Variants in PARD3 observed in about 807,000 individuals in gnomAD.
PARD3 encodes the protein partitioning defective 3 homolog.
PARD3 carries 75 observed loss-of-function variants against 155.4 expected under a neutral mutation model. That is an observed-to-expected ratio of 0.48 (90% confidence interval 0.40 to 0.58). The LOEUF (loss-of-function observed/expected upper bound fraction) is 0.58. Among genes scored for constraint, PARD3 ranks in the 20% least tolerant of loss-of-function variants. The probability of loss-of-function intolerance (pLI) is 0.00; values close to 1 mark genes in which losing one functional copy is unlikely to be tolerated. For synonymous variants in PARD3, 576 were observed against 610.5 expected (o/e 0.94, Z 0.83); for missense variants, 1,642 against 1,721.7 (o/e 0.95, Z 0.82).
At chr10:34,344,569 A>C (rs1212012389) in intron 15 of PARD3, 2 of 983,834 alleles carry the variant, frequency 2.0e-6, no homozygotes, top group Non-Finnish European at 2.4e-6. Flanking sequence ...GGCATAAGCC[A>C]CTGTGCCCAG....
At chr10:34,590,942 G>T (rs539662786) in intron 2 of PARD3, among the ~76,000 whole-genome samples, 3 of 152,156 alleles carry the variant, frequency 2.0e-5, no homozygotes, top group African/African-American at 7.2e-5. Flanking sequence ...TAACTCCCCC[G>T]CCTTTCCTTC....
At chr10:34,756,455 TGCACCTTTTTTTTTTTTCTTATA>T (rs1836746184) in intron 1 of PARD3, among the ~76,000 whole-genome samples, 1 of 119,750 alleles carries the variant, frequency 8.4e-6, no homozygotes, top group Non-Finnish European at 1.7e-5. Context: ...GCCCAGCCAA[TGCACCTTTTTTTTTTTTCTTATA>T]AAAAAAAAAA....
At chr10:34,667,074 A>T (rs2093504371) in intron 2 of PARD3, among the ~76,000 whole-genome samples, 3 of 152,082 alleles carry the variant, frequency 2.0e-5, no homozygotes, top group Non-Finnish European at 1.5e-5. Flanking sequence ...AGGCTGAGAC[A>T]GGAGAATCGC....
intron 2 of PARD3, among the ~76,000 whole-genome samples, chr10:34,557,672 G>GTC (rs2085113635): frequency 6.6e-6 from 1 of 151,940 alleles, no homozygotes; most frequent in Non-Finnish European, 1.5e-5. Context: ...TGCCCAGGCT[G>GTC]GTCTCAAACT....
intron 22 of PARD3, among the ~76,000 whole-genome samples, chr10:34,216,550 C>A (rs548049431): frequency 6.6e-6 from 1 of 152,246 alleles, no homozygotes; most frequent in Non-Finnish European, 1.5e-5. Context: ...TGCACTGAAC[C>A]CAGATCAATA....
In PARD3 at chr10:34,269,621, T is replaced by C. The variant is rs200259249; in HGVS notation, c.3419+36A>G. On this transcript the variant is annotated intron_variant, in intron 22 of 24. Transcript: ENST00000374788. Reference sequence around the variant, plus strand: ...CTGTCAGAAGCTGTATAAAAGCTGATTTGGAAGCAATACCACGATTGCCCC... The same window carrying C: ...CTGTCAGAAGCTGTATAAAAGCTGACTTGGAAGCAATACCACGATTGCCCC... The C allele has an allele frequency of 2.2e-4, 356 of 1,605,992 alleles. 1 individual carries two copies. In the East Asian group the frequency reaches 3.6e-3, roughly 16 times the overall value.
At chr10:34,720,434 G>C (rs1202488584) in intron 1 of PARD3, among the ~76,000 whole-genome samples, 1 of 102,474 alleles carries the variant, frequency 9.8e-6, no homozygotes, top group East Asian at 3.2e-4. Flanking sequence ...CTGGGCAACA[G>C]AGCAAGGCTC....
intron 5 of PARD3, among the ~76,000 whole-genome samples, chr10:34,414,190 C>A (rs1845416566): frequency 6.6e-6 from 1 of 151,542 alleles, no homozygotes; most frequent in South Asian, 2.1e-4. Context: ...AGAGCGACTC[C>A]AGCCTGGGTG....
chr10:34,548,323 T>C (rs775091089), intron 2 of PARD3, among the ~76,000 whole-genome samples: 3 of 151,778 alleles, frequency 2.0e-5, no homozygotes, highest in Non-Finnish European at 4.4e-5. Flanking sequence ...ACCCTAACTC[T>C]ACTAAAAACA....
At chr10:34,376,254 T>C (rs1265740046) in intron 10 of PARD3, among the ~76,000 whole-genome samples, 1 of 152,226 alleles carries the variant, frequency 6.6e-6, no homozygotes, top group East Asian at 1.9e-4. Flanking sequence ...AAATAAAGCC[T>C]AACTCGAAAG....
At chr10:34,345,774 A>T in intron 15 of PARD3, 1 of 985,412 alleles carries the variant, frequency 1.0e-6, no homozygotes, top group Non-Finnish European at 1.2e-6. Context: ...TTCTCTTGCA[A>T]GGTAACGTCT....
intron 5 of PARD3, among the ~76,000 whole-genome samples, chr10:34,413,624 C>A (rs1030113923): frequency 6.6e-6 from 1 of 152,150 alleles, no homozygotes; most frequent in African/African-American, 2.4e-5. Flanking sequence ...TCTCTATCAC[C>A]ACGCTGAGTT....
intron 1 of PARD3, among the ~76,000 whole-genome samples, chr10:34,789,907 C>T (rs1841439806): frequency 6.6e-6 from 1 of 152,220 alleles, no homozygotes; most frequent in Middle Eastern, 3.4e-3. Context: ...ACAATTAAAG[C>T]TTAACATTTT....
chr10:34,763,709 C>T (rs975998965), intron 1 of PARD3, among the ~76,000 whole-genome samples: 3 of 152,118 alleles, frequency 2.0e-5, no homozygotes, highest in South Asian at 4.2e-4. Context: ...GTCTAGCCCA[C>T]GGCCACCTGG....
At chr10:34,308,917 G>C (rs1457573090) in intron 20 of PARD3, among the ~76,000 whole-genome samples, 1 of 152,146 alleles carries the variant, frequency 6.6e-6, no homozygotes, top group Admixed American at 6.5e-5. Flanking sequence ...GTAGGCCAGG[G>C]AGGAGGAGGG....
Position 34,111,446 on chromosome 10 carries a change from G to C in PARD3, c.3785C>G (p.Ser1262Cys), listed in dbSNP as rs552767746. ...ENPRYSSYQG[S>C]RNGYLGGHGF... ...ATGTCCTCCCAGGTAGCCGTTCCTG[G>C]AGCCTTGGTAGCTGGAGTACCTGGG... The change falls in exon 25 of 25, where the codon TCC (serine) becomes TGC (cysteine). Residue 1262 changes from serine to cysteine, a missense_variant. Coordinates refer to ENST00000374788, the MANE Select transcript of PARD3 (RefSeq NM_001184785.2). 6.2e-7 allele frequency: 1 copy of C among 1,614,146 alleles called. No homozygotes were observed. Among genetic ancestry groups the C allele is most frequent in the South Asian group, 1.1e-5 (1 of 91,084 alleles).
intron 1 of PARD3, among the ~76,000 whole-genome samples, chr10:34,713,829 T>A (rs576918649): frequency 3.3e-5 from 5 of 152,014 alleles, no homozygotes; most frequent in Admixed American, 6.6e-5. Context: ...CACGGACATC[T>A]CCAGGCAGAG....
chr10:34,221,391 T>A (rs908266381), intron 22 of PARD3, among the ~76,000 whole-genome samples: 1 of 149,838 alleles, frequency 6.7e-6, no homozygotes, highest in African/African-American at 2.4e-5. Context: ...GACTTGCCTT[T>A]TTTTTTTTTT....
intron 2 of PARD3, among the ~76,000 whole-genome samples, chr10:34,551,605 C>T (rs2084569554): frequency 6.6e-6 from 1 of 152,176 alleles, no homozygotes; most frequent in Non-Finnish European, 1.5e-5. Context: ...GGGACCAAAA[C>T]TAAGCGAGAA....
Sources: gnomAD v4.1 joint callset for allele counts (sites outside exome capture counted in the v4.1 genomes callset) on GRCh38, gnomAD v4.1.1 for gene constraint, MANE v1.5 for transcripts, NCBI Gene and HGNC (gene_info 2026-07-23, HGNC 2026-07-21) for gene names.